The following ALDH3A2 variants were observed in gnomAD, a reference collection of about 807,000 sequenced individuals.
The protein encoded by ALDH3A2 is aldehyde dehydrogenase 3 family member A2.
In ALDH3A2, 36 loss-of-function variants were observed where a neutral mutation model predicts 51.3. That is an observed-to-expected ratio of 0.70 (90% CI 0.54 to 0.93). The LOEUF (loss-of-function observed/expected upper bound fraction) is 0.93, where lower values mean the gene tolerates loss of function less well. Among genes scored for constraint, ALDH3A2 ranks in the 40% least tolerant of loss-of-function variants. The pLI is 0.00. For synonymous variants in ALDH3A2, 199 were observed against 219.8 expected (o/e 0.91, Z 0.84); for missense variants, 552 against 603.1 (o/e 0.92, Z 0.89).
At chr17:19,653,533 T>G (rs1346153395) in intron 3 of ALDH3A2, among the ~76,000 whole-genome samples, 4 of 152,268 alleles carry the variant, frequency 2.6e-5, no homozygotes, top group Middle Eastern at 3.4e-3. Context: ...GCTGCAGACC[T>G]TCGTGGTGAG....
chr17:19,650,300 C>T (rs1361090683), intron 1 of ALDH3A2, among the ~76,000 whole-genome samples: 1 of 149,676 alleles, frequency 6.7e-6, no homozygotes, highest in East Asian at 2.0e-4. Flanking sequence ...TTTTTTTAAA[C>T]GGACAGGGTC....
At position 19,677,223 on chromosome 17, in the gene ALDH3A2, T is replaced by C. The variant is rs1413078200; in HGVS notation, c.*1651T>C. ...CAATGAGAGAATGTGATTTACTTTA[T>C]AGAACGTATAATCAACTTTGTTGAA... On this transcript the variant is annotated 3_prime_UTR_variant, in exon 10 of 10. Transcript: ENST00000176643. 1 of 152,244 alleles carries C rather than the reference T, an allele frequency of 6.6e-6. No individual in the cohort carries two copies. Among genetic ancestry groups the C allele is most frequent in the African/African-American group, 2.4e-5 (1 of 41,470 alleles). 9.4% of individuals were successfully genotyped at this position (152,244 alleles called of 1,614,324 possible).
Position 19,651,685 on chromosome 17 carries a change from C to T in ALDH3A2, c.292C>T (p.Gln98Ter). The T allele has an allele frequency of 1.1e-5, 17 of 1,614,222 alleles. No individual in the cohort carries two copies. The highest frequency in any genetic ancestry group is 1.4e-5 in the Non-Finnish European group (17 of 1,180,042). ...CACCATGCTGGATGAGGCCTATATT[C>T]AGCCACAGCCTCTGGGAGTGGTGCT... ...VLTMLDEAYI[Q>*]PQPLGVVLII... Residue 98 changes from glutamine (Q) to a stop codon, truncating the protein, a stop_gained, in exon 2 of 10, where the codon CAG becomes TAG. Transcript: ENST00000176643. LOFTEE classifies it high-confidence loss of function.
chr17:19,665,822 C>A (rs1242706039), intron 8 of ALDH3A2, among the ~76,000 whole-genome samples: 2 of 152,158 alleles, frequency 1.3e-5, no homozygotes, highest in African/African-American at 4.8e-5. Context: ...AACAAAAACC[C>A]AACCAGAAAA....
intron 3 of ALDH3A2, 70 bp downstream of exon 3, chr17:19,652,702 A>G: frequency 7.9e-7 from 1 of 1,273,788 alleles, no homozygotes; most frequent in African/African-American, 1.5e-5. Flanking sequence ...TTTTCTTGCT[A>G]TTGCATGTTA....
At position 19,663,476 on chromosome 17, in the gene ALDH3A2, T is replaced by C. The variant is rs2084995635; in HGVS notation, c.1084T>C (p.Tyr362His). 3.7e-6 allele frequency: 6 copies of C among 1,614,050 alleles called. No homozygotes were observed. The highest frequency in any genetic ancestry group is 4.2e-6 in the Non-Finnish European group (5 of 1,180,026). The change falls in exon 7 of 10, where the codon TAT (tyrosine) becomes CAT (histidine). Residue 362 changes from tyrosine to histidine, a missense_variant. Coordinates refer to ENST00000176643, the MANE Select transcript of ALDH3A2 (RefSeq NM_000382.3). ...TGAACGTGAAAAGCCTCTGGCTCTT[T>C]ATGTATTTTCGCATAACCATAAGGT... is the stretch of plus-strand genomic sequence containing the variant. ...INEREKPLALYVFSHNHKLIK... is the reference protein window; with the variant it reads ...INEREKPLALHVFSHNHKLIK...
chr17:19,665,375 T>TTGTG (rs1894935848), intron 8 of ALDH3A2, among the ~76,000 whole-genome samples: 1 of 116,408 alleles, frequency 8.6e-6, no homozygotes, highest in African/African-American at 4.6e-5. Flanking sequence ...AGATCTCTCT[T>TTGTG]CGTGTGTGTG....
At position 19,657,882 on chromosome 17, in the gene ALDH3A2, G is replaced by A; in HGVS notation, c.798+20G>A. On this transcript the variant is annotated intron_variant, in intron 5 of 9. Transcript: ENST00000176643. ...GTGAAGGTTTGTATTAAAAACATCT[G>A]ATTCCACTGATTTTAATAAGATAAG... 6.5e-7 allele frequency: 1 copy of A among 1,527,250 alleles called. No individual in the cohort carries two copies. The highest frequency in any genetic ancestry group is 9.1e-7 in the Non-Finnish European group (1 of 1,101,644). 94.6% of individuals were successfully genotyped at this position (1,527,250 alleles called of 1,614,324 possible).
At chr17:19,668,702 CTAA>C (rs541641922) in intron 8 of ALDH3A2, among the ~76,000 whole-genome samples, 2,008 of 132,856 alleles carry the variant, frequency 0.015, 452 homozygotes, top group Middle Eastern at 0.049. Flanking sequence ...AGGCACCTGG[CTAA>C]CATGGTGAAA....
In ALDH3A2 at chr17:19,675,587, C is replaced by A. The variant is rs1244028829; in HGVS notation, c.*15C>A. 2 of 1,611,306 alleles carry A rather than the reference C, an allele frequency of 1.2e-6. No individual in the cohort carries two copies. Among genetic ancestry groups the A allele is most frequent in the Non-Finnish European group, 8.5e-7 (1 of 1,177,538 alleles). On this transcript the variant is annotated 3_prime_UTR_variant, in exon 10 of 10. Transcript: ENST00000176643. ...AATATTACTGAAGAATGATCCTGTT[C>A]AACCTCCTAGTGCCTCTACTGAATT... is the stretch of plus-strand genomic sequence containing the variant.
At chr17:19,651,928 A>G in intron 2 of ALDH3A2, 150 bp downstream of exon 2, 1 of 750,900 alleles carries the variant, frequency 1.3e-6, no homozygotes, top group South Asian at 1.6e-5. Context: ...CATACATACC[A>G]TACATATTTT....
At chr17:19,655,334 C>T (rs1042952428) in intron 3 of ALDH3A2, 5 of 152,188 alleles carry the variant, frequency 3.3e-5, no homozygotes, top group Non-Finnish European at 7.3e-5. Context: ...AAATGGAAGA[C>T]AGTGAGATGT....
chr17:19,663,577 A>G (rs976559161), intron 7 of ALDH3A2, 78 bp downstream of exon 7: 3 of 1,501,124 alleles, frequency 2.0e-6, no homozygotes, highest in Admixed American at 3.5e-5. Flanking sequence ...AAAACAATGC[A>G]AAAAACAATG....
chr17:19,669,494 T>C (rs1278709277), intron 8 of ALDH3A2, among the ~76,000 whole-genome samples: 1 of 152,180 alleles, frequency 6.6e-6, no homozygotes, highest in Non-Finnish European at 1.5e-5. Flanking sequence ...TCTCATTGGT[T>C]GCATTATCTT....
intron 6 of ALDH3A2, among the ~76,000 whole-genome samples, chr17:19,662,982 G>A (rs1407775491): frequency 2.0e-5 from 3 of 151,920 alleles, no homozygotes; most frequent in African/African-American, 7.3e-5. Context: ...TCCAGCCTGG[G>A]CAACAAGGGC....
At chr17:19,656,925 T>G (rs2084905065) in intron 4 of ALDH3A2, among the ~76,000 whole-genome samples, 1 of 152,254 alleles carries the variant, frequency 6.6e-6, no homozygotes, top group Non-Finnish European at 1.5e-5. Flanking sequence ...ATAAAATCTT[T>G]AAATGCCCAT....
intron 1 of ALDH3A2, chr17:19,649,442 T>G (rs2084783974): frequency 3.1e-6 from 1 of 318,462 alleles, no homozygotes; most frequent in Admixed American, 4.7e-5. Context: ...AAGTAATTTG[T>G]CAGTTTACTG....
intron 9 of ALDH3A2, among the ~76,000 whole-genome samples, chr17:19,673,895 A>G (rs1476360791): frequency 6.6e-6 from 1 of 152,164 alleles, no homozygotes; most frequent in Non-Finnish European, 1.5e-5. Context: ...GTCCAGGTGA[A>G]GCATACATCA....
At chr17:19,657,486 T>A (rs1301878311) in intron 4 of ALDH3A2, among the ~76,000 whole-genome samples, 2 of 152,250 alleles carry the variant, frequency 1.3e-5, no homozygotes, top group Non-Finnish European at 2.9e-5. Flanking sequence ...GGCAATGGCT[T>A]CACTGTTTAC....
Sources: gnomAD v4.1 joint callset for allele counts (sites outside exome capture counted in the v4.1 genomes callset) on GRCh38, gnomAD v4.1.1 for gene constraint, MANE v1.5 for transcripts, NCBI Gene and HGNC (gene_info 2026-07-23, HGNC 2026-07-21) for gene names.